The following KCNAB1 variants were observed in gnomAD, a reference collection of about 807,000 sequenced individuals.
KCNAB1 encodes potassium voltage-gated channel subfamily A regulatory beta subunit 1.
A neutral mutation model predicts 64.6 loss-of-function variants in KCNAB1; 35 were observed. The observed-to-expected ratio is 0.54, with a 90% CI of 0.41 to 0.72. The LOEUF is 0.72. Among genes scored for constraint, KCNAB1 ranks in the 30% least tolerant of loss-of-function variants. KCNAB1 has a pLI of 0.00. For synonymous variants in KCNAB1, 177 were observed against 183.8 expected, an observed-to-expected ratio of 0.96 and a Z score of 0.30; for missense variants, 401 against 512.9, an observed-to-expected ratio of 0.78 and a Z score of 2.11.
chr3:156,444,805 CCT>C (rs374792088), intron 2 of KCNAB1, among the ~76,000 whole-genome samples: 40 of 152,296 alleles, frequency 2.6e-4, no homozygotes, highest in African/African-American at 9.6e-4. Flanking sequence ...ATGTAGCTTC[CCT>C]CTCTTATTGA....
intron 1 of KCNAB1, among the ~76,000 whole-genome samples, chr3:156,219,274 A>G (rs1019058529): frequency 6.6e-6 from 1 of 152,090 alleles, no homozygotes; most frequent in Non-Finnish European, 1.5e-5. Flanking sequence ...TAGAATCACA[A>G]CTTCTGGAAA....
intron 1 of KCNAB1, among the ~76,000 whole-genome samples, chr3:156,278,394 C>A (rs1482417502): frequency 6.6e-6 from 1 of 152,140 alleles, no homozygotes; most frequent in African/African-American, 2.4e-5. Context: ...TGTAACTCCA[C>A]CTATAGAATA....
At chr3:156,143,371 G>A (rs1714823670) in intron 1 of KCNAB1, 1 of 1,608,004 alleles carries the variant, frequency 6.2e-7, no homozygotes, top group Non-Finnish European at 8.5e-7. Flanking sequence ...ACGTGTTCAT[G>A]GAATTTCGTT....
chr3:156,287,275 G>T (rs1158399193), intron 1 of KCNAB1, among the ~76,000 whole-genome samples: 1 of 151,108 alleles, frequency 6.6e-6, no homozygotes, highest in African/African-American at 2.4e-5. Flanking sequence ...TAACAAATAG[G>T]GACCAGCTGA....
chr3:156,199,546 C>T (rs1035576847), intron 1 of KCNAB1, among the ~76,000 whole-genome samples: 2 of 152,122 alleles, frequency 1.3e-5, no homozygotes, highest in Non-Finnish European at 2.9e-5. Flanking sequence ...ATCTTGTATT[C>T]ACATTTTATT....
At chr3:156,123,880 G>A (rs1256240481) in intron 1 of KCNAB1, among the ~76,000 whole-genome samples, 2 of 152,130 alleles carry the variant, frequency 1.3e-5, no homozygotes, top group East Asian at 3.8e-4. Context: ...GAACTTTGTA[G>A]AAAAGTTTGA....
intron 1 of KCNAB1, among the ~76,000 whole-genome samples, chr3:156,218,682 G>T (rs1487115306): frequency 6.6e-6 from 1 of 151,282 alleles, no homozygotes; most frequent in African/African-American, 2.4e-5. Flanking sequence ...GGTATCCATG[G>T]CTGCAAGACC....
chr3:156,122,454 G>A (rs1713405832), intron 1 of KCNAB1, among the ~76,000 whole-genome samples: 2 of 151,820 alleles, frequency 1.3e-5, no homozygotes, highest in South Asian at 2.1e-4. Flanking sequence ...CATTGAACAA[G>A]TCAGAGTGGC....
At chr3:156,257,035 C>G (rs1384926000) in intron 1 of KCNAB1, among the ~76,000 whole-genome samples, 1 of 152,198 alleles carries the variant, frequency 6.6e-6, no homozygotes, top group Non-Finnish European at 1.5e-5. Context: ...CATTACTAGG[C>G]CTCAGCTATC....
In KCNAB1 at chr3:156,290,198, T is replaced by C. The variant is rs531437916; in HGVS notation, c.276-131418T>C. On this transcript the variant is annotated intron_variant, in intron 1 of 13. Coordinates refer to ENST00000490337, the MANE Select transcript of KCNAB1 (RefSeq NM_172160.3). ...TGTCATAATATGCCTTCCAACATTG[T>C]TAGTCAGACCCTTTAAGGCTGAATA... Among the ~76,000 whole-genome samples, 84 of 152,364 alleles carry C rather than the reference T, an allele frequency of 5.5e-4. 1 individual carries two copies. Among genetic ancestry groups the C allele is most frequent in the Middle Eastern group, 6.8e-3 (2 of 294 alleles).
At chr3:156,434,388 C>T (rs1336934610) in intron 2 of KCNAB1, among the ~76,000 whole-genome samples, 2 of 152,106 alleles carry the variant, frequency 1.3e-5, no homozygotes, top group African/African-American at 4.8e-5. Flanking sequence ...AAGCCAAGCT[C>T]ATCATACTGT....
intron 1 of KCNAB1, among the ~76,000 whole-genome samples, chr3:156,199,739 A>G (rs1714203036): frequency 6.6e-6 from 1 of 152,180 alleles, no homozygotes; most frequent in Non-Finnish European, 1.5e-5. Flanking sequence ...CAAAGTTCTT[A>G]GCTTCCTTGT....
At chr3:156,308,081 G>A (rs928358793) in intron 1 of KCNAB1, among the ~76,000 whole-genome samples, 1 of 152,202 alleles carries the variant, frequency 6.6e-6, no homozygotes, top group Admixed American at 6.5e-5. Context: ...GCAAAAGGTG[G>A]AAAGTTGTGG....
chr3:156,261,338 T>C (rs1030741678), intron 1 of KCNAB1, among the ~76,000 whole-genome samples: 4 of 152,052 alleles, frequency 2.6e-5, no homozygotes, highest in African/African-American at 9.6e-5. Context: ...AGAATTCTCC[T>C]GTGTTTCCTT....
intron 2 of KCNAB1, among the ~76,000 whole-genome samples, chr3:156,436,755 A>T (rs1028884751): frequency 6.6e-6 from 1 of 152,136 alleles, no homozygotes; most frequent in East Asian, 1.9e-4. Flanking sequence ...CCACTTTTTA[A>T]TGGGGTTGTT....
At chr3:156,159,205 T>C (rs1268797231) in intron 1 of KCNAB1, among the ~76,000 whole-genome samples, 4 of 152,102 alleles carry the variant, frequency 2.6e-5, no homozygotes, top group African/African-American at 7.2e-5. Context: ...TGCTACCTAG[T>C]TGTGTGTTGT....
chr3:156,385,473 T>C (rs1191276931), intron 1 of KCNAB1, among the ~76,000 whole-genome samples: 1 of 150,628 alleles, frequency 6.6e-6, no homozygotes, highest in Non-Finnish European at 1.5e-5. Flanking sequence ...GTTAAAGATA[T>C]ACATATTGCC....
At chr3:156,431,624 T>A (rs1002058081) in intron 2 of KCNAB1, among the ~76,000 whole-genome samples, 2 of 152,172 alleles carry the variant, frequency 1.3e-5, no homozygotes, top group Admixed American at 6.5e-5. Flanking sequence ...AGAAATAAAG[T>A]CTCAGTTCTT....
intron 11 of KCNAB1, among the ~76,000 whole-genome samples, chr3:156,522,581 G>A (rs949896995): frequency 2.6e-5 from 4 of 152,238 alleles, no homozygotes; most frequent in African/African-American, 9.6e-5. Context: ...AAGCCTTTGA[G>A]ATTTAGGAGA....
Sources: gnomAD v4.1 joint callset for allele counts (sites outside exome capture counted in the v4.1 genomes callset) on GRCh38, gnomAD v4.1.1 for gene constraint, MANE v1.5 for transcripts, NCBI Gene and HGNC (gene_info 2026-07-23, HGNC 2026-07-21) for gene names.